PARVB: variants seen among roughly 807,000 people sequenced by gnomAD.
The protein encoded by PARVB is beta-parvin.
A neutral mutation model predicts 47.0 loss-of-function variants in PARVB; 46 were observed. The ratio of observed to expected loss-of-function variants is 0.98; its 90% CI spans 0.77 to 1.25. PARVB has a LOEUF of 1.25. Ranked by LOEUF, PARVB falls within the 50% of genes most tolerant of loss-of-function variation. The pLI is 0.00. For missense variants in PARVB, 473 were observed against 471.6 expected, an observed-to-expected ratio of 1.00 and a Z score of -0.03; for synonymous variants, 196 against 196.3, an observed-to-expected ratio of 1.00 and a Z score of 0.01.
intron 1 of PARVB, among the ~76,000 whole-genome samples, chr22:44,062,703 T>A (rs2051442920): frequency 6.6e-6 from 1 of 150,646 alleles, no homozygotes; most frequent in South Asian, 2.1e-4. Context: ...ATAAAGGAGA[T>A]GATAAAGGGT....
rs536131818 is a variant in PARVB at position 44,011,477 on chromosome 22, G to A, written c.211+11804G>A. Among the ~76,000 whole-genome samples the A allele has an allele frequency of 4.6e-5, 7 of 152,168 alleles. No homozygotes were observed. In the East Asian group the frequency reaches 7.8e-4, roughly 17 times the overall value. On this transcript the variant is annotated intron_variant, in intron 2 of 13. Coordinates refer to the PARVB transcript ENST00000406477. ...TATACAAAAGTTAGCCAGGCGTGGT[G>A]GTGCATGCCTGTAATCCCAGCTGCT...
chr22:43,999,778 C>A, intron 2 of PARVB: 1 of 562,816 alleles, frequency 1.8e-6, no homozygotes, highest in Non-Finnish European at 3.1e-6. Flanking sequence ...AGGATTGTTG[C>A]TTGAGCCCAG....
chr22:44,129,066 G>A (rs962147949), intron 4 of PARVB, among the ~76,000 whole-genome samples: 2 of 152,060 alleles, frequency 1.3e-5, no homozygotes, highest in African/African-American at 4.8e-5. Context: ...TGACGAGAGT[G>A]AAACTCCATC....
upstream of PARVB, among the ~76,000 whole-genome samples, chr22:44,022,090 C>T (rs135114): frequency 0.28 from 42,918 of 151,928 alleles, 6,704 homozygotes; most frequent in Non-Finnish European, 0.36. Flanking sequence ...TGATCATCTG[C>T]AAAGACCCTT....
At chr22:44,019,602 C>T (rs182643980), upstream of PARVB, among the ~76,000 whole-genome samples, 814 of 152,298 alleles carry the variant, frequency 5.3e-3, 8 homozygotes, top group African/African-American at 0.019. Flanking sequence ...AGCATCTGCA[C>T]GGGTGAGGGC....
chr22:44,070,761 G>A (rs779939406), intron 1 of PARVB, among the ~76,000 whole-genome samples: 1 of 152,224 alleles, frequency 6.6e-6, no homozygotes, highest in Non-Finnish European at 1.5e-5. Context: ...TGGGCGGGAT[G>A]GGGTGGATGG....
intron 2 of PARVB, among the ~76,000 whole-genome samples, chr22:44,008,690 A>C (rs182611030): frequency 6.6e-6 from 1 of 152,250 alleles, no homozygotes; most frequent in East Asian, 1.9e-4. Flanking sequence ...TTGCTTATAA[A>C]AATAGAGATG....
intron 1 of PARVB, among the ~76,000 whole-genome samples, chr22:44,060,241 A>G (rs2051394512): frequency 6.6e-6 from 1 of 152,076 alleles, no homozygotes; most frequent in Admixed American, 6.6e-5. Flanking sequence ...ACTTGAACCC[A>G]GGAGGTGGAG....
chr22:44,073,406 A>G (rs1194592616), intron 1 of PARVB, among the ~76,000 whole-genome samples: 9 of 152,214 alleles, frequency 5.9e-5, no homozygotes, highest in African/African-American at 2.2e-4. Flanking sequence ...AGGCAGGAGA[A>G]TCACTTGAAC....
At chr22:44,088,741 G>T (rs966671552) in intron 1 of PARVB, among the ~76,000 whole-genome samples, 1 of 152,160 alleles carries the variant, frequency 6.6e-6, no homozygotes, top group East Asian at 1.9e-4. Flanking sequence ...CAGAGTGCTG[G>T]AATTACAGGT....
chr22:44,100,731 G>A (rs2052423358), intron 3 of PARVB, among the ~76,000 whole-genome samples: 1 of 152,208 alleles, frequency 6.6e-6, no homozygotes, highest in African/African-American at 2.4e-5. Context: ...CTCACCGTGA[G>A]GCAGTGCTTG....
At chr22:44,143,331 T>G (rs2053595857) in intron 8 of PARVB, 1 of 152,282 alleles carries the variant, frequency 6.6e-6, no homozygotes, top group Non-Finnish European at 1.5e-5. Context: ...CAGCAAACTT[T>G]CAGGGGCACC....
chr22:44,081,287 C>G (rs2051893313), intron 1 of PARVB, among the ~76,000 whole-genome samples: 2 of 152,124 alleles, frequency 1.3e-5, no homozygotes, highest in Admixed American at 1.3e-4. Flanking sequence ...TTGGAAGGGG[C>G]CTGTCTCCGA....
chr22:44,122,978 A>G (rs1171506847), intron 4 of PARVB, among the ~76,000 whole-genome samples: 1 of 152,212 alleles, frequency 6.6e-6, no homozygotes, highest in African/African-American at 2.4e-5. Flanking sequence ...CAGATGTTAC[A>G]GAAACTAGAA....
rs78648081 is a variant in PARVB at position 44,002,137 on chromosome 22, A to G, written c.211+2464A>G. On this transcript the variant is annotated intron_variant, in intron 2 of 13. Coordinates refer to the PARVB transcript ENST00000406477. ...GCATCGTGAGTGCAAATGTCAACCCAGTGAACCAAGTAACTAAGTAATGTC... is the reference window on the plus strand; with the variant it reads ...GCATCGTGAGTGCAAATGTCAACCCGGTGAACCAAGTAACTAAGTAATGTC... 5.2e-3 allele frequency among the ~76,000 whole-genome samples: 789 copies of G among 152,372 alleles called. 6 individuals carry two copies. Among genetic ancestry groups the G allele is most frequent in the Non-Finnish European group, 8.8e-3 (599 of 68,034 alleles).
At chr22:44,091,796 C>A (rs1448118439) in intron 1 of PARVB, among the ~76,000 whole-genome samples, 1 of 152,212 alleles carries the variant, frequency 6.6e-6, no homozygotes, top group Non-Finnish European at 1.5e-5. Flanking sequence ...ACTTCCTAAC[C>A]CCAACCTGTA....
chr22:44,001,469 C>A (rs1207466601), intron 2 of PARVB, among the ~76,000 whole-genome samples: 1 of 152,168 alleles, frequency 6.6e-6, no homozygotes, highest in Non-Finnish European at 1.5e-5. Context: ...CTTATATTAG[C>A]CTACAGTTGG....
Position 44,092,393 on chromosome 22 carries a change from G to A in PARVB, c.113-1535G>A, listed in dbSNP as rs536137284. ...CAAAGTGCTGGGATTACAGGTGTGA[G>A]CCACCGCACCCGACCTGGGTTATTT... On this transcript the variant is annotated intron_variant, in intron 1 of 12. Coordinates refer to ENST00000338758, the MANE Select transcript of PARVB (RefSeq NM_013327.5). Among the ~76,000 whole-genome samples the A allele has an allele frequency of 2.0e-5, 3 of 152,318 alleles. No individual in the cohort carries two copies. In the South Asian group the frequency reaches 6.2e-4, roughly 32 times the overall value.
intron 8 of PARVB, chr22:44,147,557 G>A: frequency 2.0e-6 from 1 of 492,660 alleles, no homozygotes; most frequent in Non-Finnish European, 3.9e-6. Context: ...CGTGGCAGGT[G>A]CAGATGCCAG....
Sources: gnomAD v4.1 joint callset for allele counts (sites outside exome capture counted in the v4.1 genomes callset) on GRCh38, gnomAD v4.1.1 for gene constraint, MANE v1.5 for transcripts, NCBI Gene and HGNC (gene_info 2026-07-23, HGNC 2026-07-21) for gene names.